ADARB2: variants seen among roughly 807,000 people sequenced by gnomAD.
ADARB2 encodes the protein inactive double-stranded RNA-specific editase B2.
Under a neutral mutation model 62.2 loss-of-function variants are expected in ADARB2, and 25 were observed. The observed-to-expected ratio is 0.40, with a 90% CI of 0.29 to 0.56. ADARB2 has a LOEUF of 0.56. Among genes scored for constraint, ADARB2 ranks in the 20% least tolerant of loss-of-function variants. The pLI is 0.43. For missense variants in ADARB2, 1,071 were observed against 1,077.4 expected (o/e 0.99, Z 0.08); for synonymous variants, 572 against 500.8 (o/e 1.14, Z -1.90).
chr10:1,626,892 G>A (rs942276528), intron 1 of ADARB2, among the ~76,000 whole-genome samples: 2 of 152,134 alleles, frequency 1.3e-5, no homozygotes, highest in African/African-American at 4.8e-5. Context: ...GGTTTCTGCT[G>A]TGGTTATGCA....
intron 3 of ADARB2, among the ~76,000 whole-genome samples, chr10:1,286,510 G>T (rs1245260330): frequency 6.6e-6 from 1 of 152,086 alleles, no homozygotes; most frequent in Non-Finnish European, 1.5e-5. Flanking sequence ...TTACCTAAAG[G>T]CGGATGGCAA....
intron 2 of ADARB2, among the ~76,000 whole-genome samples, chr10:1,377,031 T>G (rs1588237846): frequency 2.4e-5 from 3 of 126,154 alleles, no homozygotes; most frequent in Admixed American, 1.6e-4. Context: ...GCTCCTGGGG[T>G]GTGTGTGTGC....
intron 1 of ADARB2, among the ~76,000 whole-genome samples, chr10:1,405,445 C>G (rs193148433): frequency 6.6e-6 from 1 of 151,920 alleles, no homozygotes; most frequent in Admixed American, 6.6e-5. Context: ...GCCTGGCCAA[C>G]GTGGCAAAAC....
chr10:1,382,938 A>G (rs1832497171), intron 1 of ADARB2, among the ~76,000 whole-genome samples: 1 of 152,260 alleles, frequency 6.6e-6, no homozygotes, highest in Non-Finnish European at 1.5e-5. Context: ...TCGAATATGG[A>G]CCAGCTGGAA....
intron 3 of ADARB2, among the ~76,000 whole-genome samples, chr10:1,351,466 C>T (rs11528605): frequency 5.3e-5 from 8 of 151,044 alleles, no homozygotes; most frequent in African/African-American, 1.7e-4. Flanking sequence ...CTTTTAAGTA[C>T]TCCTTTTAGT....
intron 1 of ADARB2, among the ~76,000 whole-genome samples, chr10:1,686,135 C>G (rs1834593916): frequency 6.6e-6 from 1 of 152,198 alleles, no homozygotes; most frequent in African/African-American, 2.4e-5. Context: ...TTCAAAAAGT[C>G]TCTACAAAAA....
intron 3 of ADARB2, among the ~76,000 whole-genome samples, chr10:1,355,044 T>C (rs1588229503): frequency 6.6e-6 from 1 of 152,154 alleles, no homozygotes; most frequent in South Asian, 2.1e-4. Flanking sequence ...GAGGCTCCCA[T>C]GTGTTCAGGA....
At chr10:1,244,129 T>C (rs965072713) in intron 4 of ADARB2, among the ~76,000 whole-genome samples, 3 of 152,144 alleles carry the variant, frequency 2.0e-5, no homozygotes, top group Admixed American at 6.5e-5. Context: ...GGGACCAGGA[T>C]CTAAGGCTAC....
At chr10:1,376,304 A>G (rs1309912828) in intron 2 of ADARB2, among the ~76,000 whole-genome samples, 3 of 152,368 alleles carry the variant, frequency 2.0e-5, no homozygotes, top group South Asian at 4.1e-4. Flanking sequence ...CAAGCATTTC[A>G]AGAGCATTTT....
intron 7 of ADARB2, among the ~76,000 whole-genome samples, chr10:1,205,790 G>A (rs1012574614): frequency 2.0e-5 from 3 of 152,252 alleles, no homozygotes; most frequent in Admixed American, 6.5e-5. Context: ...CGTGGTGGCC[G>A]GGATGGACCG....
rs117373377 is a variant in ADARB2 at position 1,696,225 on chromosome 10, G to A, written c.100+40826C>T. ...CGTTTATATGCCTGTGTATATGTGC[G>A]TATATGCATGTTTGTGTGTGCACAT... On this transcript the variant is annotated intron_variant, in intron 1 of 9. Transcript: ENST00000381312. Among the ~76,000 whole-genome samples the A allele has an allele frequency of 7.0e-3, 1,069 of 152,188 alleles. 4 individuals are homozygous for A. The highest frequency in any genetic ancestry group is 0.011 in the Non-Finnish European group (756 of 68,004).
At chr10:1,583,031 CAA>C (rs2132002106) in intron 1 of ADARB2, among the ~76,000 whole-genome samples, 1 of 152,272 alleles carries the variant, frequency 6.6e-6, no homozygotes, top group East Asian at 1.9e-4. Flanking sequence ...TTGTTGTCAC[CAA>C]TATTGCTCTT....
At chr10:1,340,189 C>G (rs1832010720) in intron 3 of ADARB2, among the ~76,000 whole-genome samples, 2 of 149,082 alleles carry the variant, frequency 1.3e-5, no homozygotes, top group Non-Finnish European at 3.0e-5. Context: ...GCGGCAATAA[C>G]CGGCATCCAC....
chr10:1,546,258 G>A (rs1285786641), intron 1 of ADARB2, among the ~76,000 whole-genome samples: 3 of 152,220 alleles, frequency 2.0e-5, no homozygotes, highest in Non-Finnish European at 2.9e-5. Context: ...TCTCCTCTGC[G>A]TCAGCAGTAC....
At chr10:1,681,484 T>TC (rs777269050) in intron 1 of ADARB2, among the ~76,000 whole-genome samples, 1 of 144,096 alleles carries the variant, frequency 6.9e-6, no homozygotes, top group African/African-American at 2.7e-5. Context: ...TTAAAAAATA[T>TC]TAAAAAAAAA....
intron 1 of ADARB2, among the ~76,000 whole-genome samples, chr10:1,478,331 G>A (rs991482719): frequency 2.0e-5 from 3 of 152,178 alleles, no homozygotes; most frequent in Non-Finnish European, 2.9e-5. Context: ...GTTGGCACAC[G>A]GCATGGAGGT....
At chr10:1,571,977 GT>G (rs1832943876) in intron 1 of ADARB2, among the ~76,000 whole-genome samples, 1 of 146,226 alleles carries the variant, frequency 6.8e-6, no homozygotes, top group African/African-American at 2.6e-5. Flanking sequence ...GCAGGTGAGT[GT>G]GCTGGTGAGT....
At chr10:1,646,059 G>A (rs867159150) in intron 1 of ADARB2, among the ~76,000 whole-genome samples, 3 of 152,178 alleles carry the variant, frequency 2.0e-5, no homozygotes, top group Admixed American at 6.5e-5. Context: ...CCAGTCTGAT[G>A]CAGAGAGGTC....
At chr10:1,429,940 G>A (rs1323141723) in intron 1 of ADARB2, among the ~76,000 whole-genome samples, 1 of 152,000 alleles carries the variant, frequency 6.6e-6, no homozygotes, top group Non-Finnish European at 1.5e-5. Context: ...TAACAGCTAA[G>A]GGAATTTCTC....
Sources: gnomAD v4.1 joint callset for allele counts (sites outside exome capture counted in the v4.1 genomes callset) on GRCh38, gnomAD v4.1.1 for gene constraint, MANE v1.5 for transcripts, NCBI Gene and HGNC (gene_info 2026-07-23, HGNC 2026-07-21) for gene names.